The following CTSA variants were observed in gnomAD, a reference collection of about 807,000 sequenced individuals.
CTSA encodes cathepsin A, also known as lysosomal protective protein.
In CTSA, 42 loss-of-function variants were observed where a neutral mutation model predicts 66.7. The observed-to-expected ratio is 0.63, with a 90% CI of 0.49 to 0.81. The LOEUF is 0.81. Among genes scored for constraint, CTSA ranks in the 40% least tolerant of loss-of-function variants. The pLI, the probability that CTSA is intolerant of heterozygous loss-of-function variation, is 0.00. For missense variants in CTSA, 525 were observed against 610.9 expected (o/e 0.86, Z 1.48); for synonymous variants, 225 against 248.6 (o/e 0.91, Z 0.89).
Position 45,891,573 on chromosome 20 carries a change from T to C in CTSA, c.5T>C (p.Ile2Thr). The stretch of plus-strand genomic sequence containing the variant: ...CCCCTCTGCTGCCTCCCGTAGATGA[T>C]CCGAGCCGCGCCGCCGCCGCTGTTC... M[I>T]RAAPPPLFLL... The change falls in exon 2 of 15, where the codon ATC becomes ACC. Residue 2 changes from isoleucine (I) to threonine (T), a missense_variant. Ile to Thr is a moderately conservative substitution (Grantham distance 89). This residue lies in a region of CTSA where 246 missense variants were observed against 267.4 expected (regional missense o/e 0.92). Transcript: ENST00000646241. The surrounding 1 kb of genome is among the most constrained non-coding windows in gnomAD (Gnocchi z 4.6). 1 of 1,602,344 alleles carries C rather than the reference T, an allele frequency of 6.2e-7. No homozygotes were observed.
In CTSA at chr20:45,892,727, C is replaced by T. The variant is rs757609079; in HGVS notation, c.447C>T (p.Val149=). The part of the protein sequence containing the change: ...DKFYATNDTE[V]AQSNFEALQD... ...CTGTCTTGCTCTGCCATCCCCAGGTCGCCCAGAGCAATTTTGAGGCCCTTC... is the reference window on the plus strand; with the variant it reads ...CTGTCTTGCTCTGCCATCCCCAGGTTGCCCAGAGCAATTTTGAGGCCCTTC... Residue 149 remains valine (V), a splice_region_variant and synonymous_variant, in exon 6 of 15, where the codon GTC becomes GTT. Transcript: ENST00000646241. 2.0e-5 allele frequency: 32 copies of T among 1,614,202 alleles called. No homozygotes were observed. The East Asian group carries it at 5.6e-4, about 28-fold the overall frequency.
intron 11 of CTSA, 131 bp from the exon 12 acceptor site, chr20:45,896,834 C>CA (rs1601147098): frequency 2.7e-6 from 2 of 727,646 alleles, no homozygotes; most frequent in South Asian, 1.4e-5. Context: ...GGCCCCCCCC[C>CA]AAAAAGGGGA....
Position 45,892,297 on chromosome 20 carries a change from G to A in CTSA, c.331G>A (p.Glu111Lys). ...FLVQPDGVTL[E>K]YNPYSWNLIA... ...GGTCCAGCCAGATGGTGTCACCCTG[G>A]AGTACAACCCCTATTCTTGGAATCT... is the stretch of plus-strand genomic sequence containing the variant. The change falls in exon 4 of 15, where the codon GAG (glutamate) becomes AAG (lysine). Residue 111 changes from glutamate (E) to lysine (K), a missense_variant. By Grantham distance (56) the Glu-to-Lys change is moderately conservative (BLOSUM62 1). This residue lies in a region of CTSA where 246 missense variants were observed against 267.4 expected (regional missense o/e 0.92). Coordinates refer to ENST00000646241, the MANE Select transcript of CTSA (RefSeq NM_000308.4). The A allele has an allele frequency of 6.2e-7, 1 of 1,614,108 alleles. No individual in the cohort carries two copies.
chr20:45,894,063 C>G lies in CTSA; in HGVS notation c.768C>G (p.Cys256Trp). The change falls in exon 8 of 15, where the codon TGC (cysteine) becomes TGG (tryptophan). Residue 256 changes from cysteine to tryptophan, a missense_variant. Transcript: ENST00000646241. Reference sequence around the variant, plus strand: ...TCTATGACAACAAAGACCTGGAATGCGTGACCAATGTGAGGTTCTGCCATC... The same window carrying G: ...TCTATGACAACAAAGACCTGGAATGGGTGACCAATGTGAGGTTCTGCCATC... ...CNFYDNKDLE[C>W]VTNLQEVARI... The G allele has an allele frequency of 6.2e-7, 1 of 1,607,922 alleles. No individual in the cohort carries two copies. Among genetic ancestry groups the G allele is most frequent in the Non-Finnish European group, 8.5e-7 (1 of 1,174,474 alleles).
intron 12 of CTSA, 128 bp from the exon 13 acceptor site, chr20:45,897,589 T>G (rs1332530379): frequency 1.4e-6 from 1 of 717,366 alleles, no homozygotes; most frequent in Non-Finnish European, 2.6e-6. Flanking sequence ...TTAGAAAACA[T>G]GAAAATTCCC....
At chr20:45,895,193 G>C (rs1987186360) in intron 11 of CTSA, 60 bp downstream of exon 11, 3 of 1,603,796 alleles carry the variant, frequency 1.9e-6, no homozygotes, top group Admixed American at 1.7e-5. Flanking sequence ...TGTGGGCATC[G>C]GCAGGTTTCT....
In CTSA at chr20:45,898,255, G is replaced by A; in HGVS notation, c.1360-112G>A. On this transcript the variant is annotated intron_variant, in intron 14 of 14. Transcript: ENST00000646241. This position sits in a 1 kb window ranked among gnomAD's most constrained non-coding sequence, Gnocchi z 4.6. The stretch of plus-strand genomic sequence containing the variant: ...GCAAGTTTTTTTGGAGAGGGGTGGG[G>A]AGGGTTCTGGGAAGAATAAAGGGTT... The A allele has an allele frequency of 1.5e-6, 2 of 1,306,894 alleles. No individual in the cohort carries two copies. Among genetic ancestry groups the A allele is most frequent in the Non-Finnish European group, 2.2e-6 (2 of 921,418 alleles). The allele number at this position is 1,306,894 out of a possible 1,614,324, so 81.0% of individuals were successfully genotyped here.
At chr20:45,896,893 G>A (rs780500189) in intron 11 of CTSA, 72 bp from the exon 12 acceptor site, 70 of 1,221,742 alleles carry the variant, frequency 5.7e-5, no homozygotes, top group Middle Eastern at 3.7e-4. Flanking sequence ...AGATAGGAGA[G>A]AAGGTCTGAT....
rs751302736 is a variant in CTSA at position 45,898,379 on chromosome 20, A to G, written c.1372A>G (p.Met458Val). 3.1e-6 allele frequency: 5 copies of G among 1,613,754 alleles called. No homozygotes were observed. The African/African-American group carries it at 4.0e-5, about 13-fold the overall frequency. The change falls in exon 15 of 15, where the codon ATG becomes GTG. Residue 458 changes from methionine (M) to valine (V), a missense_variant. Physicochemically the swap from Met to Val is conservative, Grantham distance 21. Around this residue, in one of 3 missense-constraint regions of CTSA, gnomAD observed 274 missense variants for 321.1 expected, o/e 0.85. Coordinates refer to ENST00000646241, the MANE Select transcript of CTSA (RefSeq NM_000308.4). The surrounding 1 kb of genome is among the most constrained non-coding windows in gnomAD (Gnocchi z 4.6). Reference sequence around the variant, plus strand: ...CATTGCTCCTCAGGGCGCCGGCCACATGGTTCCCACCGACAAGCCCCTCGC... The same window carrying G: ...CATTGCTCCTCAGGGCGCCGGCCACGTGGTTCCCACCGACAAGCCCCTCGC... The part of the protein sequence containing the change: ...AFLTIKGAGH[M>V]VPTDKPLAAF...
chr20:45,895,860 C>T (rs1372558618), intron 11 of CTSA, among the ~76,000 whole-genome samples: 2 of 152,196 alleles, frequency 1.3e-5, no homozygotes, highest in Non-Finnish European at 2.9e-5. Context: ...GCTGGGATTA[C>T]AGGCGAGGGT....
Position 45,891,440 on chromosome 20 carries a change from A to T in CTSA, c.-1+61A>T, listed in dbSNP as rs758543261. On this transcript the variant is annotated intron_variant, in intron 1 of 14. Coordinates refer to ENST00000646241, the MANE Select transcript of CTSA (RefSeq NM_000308.4). The surrounding 1 kb of genome is among the most constrained non-coding windows in gnomAD (Gnocchi z 4.6). ...GCCCGGGATCGGTGCGCGGCAGAGG[A>T]GGCTCGCGGGTGGGAGCTGGCGCTG... 16 of 1,547,516 alleles carry T rather than the reference A, an allele frequency of 1.0e-5. No individual in the cohort carries two copies. Among genetic ancestry groups the T allele is most frequent in the Non-Finnish European group, 1.4e-5 (16 of 1,145,950 alleles).
chr20:45,893,000 C>G (rs1340903240), intron 6 of CTSA, 120 bp downstream of exon 6: 12 of 1,213,662 alleles, frequency 9.9e-6, no homozygotes, highest in Admixed American at 2.0e-5. Context: ...ACCTCCCCAC[C>G]ACCGGCTGCC....
Position 45,891,948 on chromosome 20 carries a change from GC to G in CTSA, c.230del (p.Pro77LeufsTer15), listed in dbSNP as rs587779402. The G allele has an allele frequency of 1.2e-6, 2 of 1,614,074 alleles. No homozygotes were observed. The highest frequency in any genetic ancestry group is 8.5e-7 in the Non-Finnish European group (1 of 1,180,036). On this transcript the variant is annotated frameshift_variant, in exon 3 of 15. Coordinates refer to ENST00000646241, the MANE Select transcript of CTSA (RefSeq NM_000308.4). LOFTEE classifies it high-confidence loss of function. This position sits in a 1 kb window ranked among gnomAD's most constrained non-coding sequence, Gnocchi z 4.6. ...FVESQKDPEN[S>X]PVVLWLNGGP... ...GAGTCCCAGAAGGATCCCGAGAACAGCCCTGTGGTGCTTTGGCTCAATGGGG... is the reference window on the plus strand; with the variant it reads ...GAGTCCCAGAAGGATCCCGAGAACAGCCTGTGGTGCTTTGGCTCAATGGGG...
In CTSA at chr20:45,892,828, A is replaced by G. The variant is rs376113662; in HGVS notation, c.548A>G (p.Tyr183Cys). Reference sequence around the variant, plus strand: ...ACCGGGGAGAGCTATGCTGGCATCTACATCCCCACCCTGGCCGTGCTGGTC... The same window carrying G: ...ACCGGGGAGAGCTATGCTGGCATCTGCATCCCCACCCTGGCCGTGCTGGTC... ...FLTGESYAGI[Y>C]IPTLAVLVMQ... Residue 183 changes from tyrosine (Y) to cysteine (C), a missense_variant, in exon 6 of 15, where the codon TAC becomes TGC. Around this residue, in one of 3 missense-constraint regions of CTSA, gnomAD observed 246 missense variants for 267.4 expected, o/e 0.92. Coordinates refer to ENST00000646241, the MANE Select transcript of CTSA (RefSeq NM_000308.4). 4 of 1,614,060 alleles carry G rather than the reference A, an allele frequency of 2.5e-6. No homozygotes were observed. In the African/African-American group the frequency reaches 4.0e-5, roughly 16 times the overall value.
chr20:45,892,043 G>A lies in CTSA; in HGVS notation c.306+16G>A. 1 of 1,604,476 alleles carries A rather than the reference G, an allele frequency of 6.2e-7. No homozygotes were observed. The highest frequency in any genetic ancestry group is 8.5e-7 in the Non-Finnish European group (1 of 1,171,352). ...CCCCTTCCTGGTGAGTGGACAGCAG[G>A]GGGAAAGCACAGTTCCCAAAGTAAA... On this transcript the variant is annotated intron_variant, in intron 3 of 14. Coordinates refer to ENST00000646241, the MANE Select transcript of CTSA (RefSeq NM_000308.4).
chr20:45,892,846 T>G lies in CTSA; in HGVS notation c.566T>G (p.Val189Gly). The G allele has an allele frequency of 6.2e-7, 1 of 1,614,158 alleles. No individual in the cohort carries two copies. The highest frequency in any genetic ancestry group is 1.1e-5 in the South Asian group (1 of 91,084). ...YAGIYIPTLA[V>G]LVMQDPSMNL... Reference sequence around the variant, plus strand: ...GGCATCTACATCCCCACCCTGGCCGTGCTGGTCATGCAGGATCCCAGCATG... The same window carrying G: ...GGCATCTACATCCCCACCCTGGCCGGGCTGGTCATGCAGGATCCCAGCATG... Residue 189 changes from valine to glycine, a missense_variant, in exon 6 of 15, where the codon GTG becomes GGG. Coordinates refer to ENST00000646241, the MANE Select transcript of CTSA (RefSeq NM_000308.4).
At chr20:45,892,347 T>C in intron 4 of CTSA, 24 bp downstream of exon 4, 1 of 1,614,106 alleles carries the variant, frequency 6.2e-7, no homozygotes, top group East Asian at 2.2e-5. Context: ...TGTGGGTGTG[T>C]CTGGGCACTT....
intron 8 of CTSA, chr20:45,894,303 A>G (rs1345805457): frequency 7.9e-6 from 5 of 631,310 alleles, no homozygotes; most frequent in South Asian, 7.4e-5. Flanking sequence ...ACATTTATCA[A>G]ACACCTGCAA....
In CTSA at chr20:45,898,169, G is replaced by A. The variant is rs929965957; in HGVS notation, c.1359+60G>A. The A allele has an allele frequency of 3.5e-5, 54 of 1,550,804 alleles. No homozygotes were observed. The highest frequency in any genetic ancestry group is 1.7e-4 in the Middle Eastern group (1 of 5,938). Reference sequence around the variant, plus strand: ...GGAGGCAAAGGAGCAGGACCCACCCGTCCTTTCCCTCTGGCTGCCTTTTAG... The same window carrying A: ...GGAGGCAAAGGAGCAGGACCCACCCATCCTTTCCCTCTGGCTGCCTTTTAG... On this transcript the variant is annotated intron_variant, in intron 14 of 14. Transcript: ENST00000646241. The surrounding 1 kb of genome is among the most constrained non-coding windows in gnomAD (Gnocchi z 4.6).
Sources: gnomAD v4.1 joint callset for allele counts (sites outside exome capture counted in the v4.1 genomes callset) on GRCh38, gnomAD v4.1.1 for gene constraint, gnomAD v4.1.1 regional missense constraint, Gnocchi (gnomAD v3.1) non-coding constraint, MANE v1.5 for transcripts, NCBI Gene and HGNC (gene_info 2026-07-23, HGNC 2026-07-21) for gene names.